Variants in PPP1R12B observed in about 807,000 individuals in gnomAD.
PPP1R12B encodes the protein protein phosphatase 1 regulatory subunit 12B.
Under a neutral mutation model 126.1 loss-of-function variants are expected in PPP1R12B, and 76 were observed. The ratio of observed to expected loss-of-function variants is 0.60; its 90% confidence interval spans 0.50 to 0.73. PPP1R12B has a LOEUF of 0.73. Among genes scored for constraint, PPP1R12B ranks in the 30% least tolerant of loss-of-function variants. PPP1R12B has a pLI of 0.00. For synonymous variants in PPP1R12B, 356 were observed against 434.7 expected, an observed-to-expected ratio of 0.82 and a Z score of 2.25; for missense variants, 1,052 against 1,205.1, an observed-to-expected ratio of 0.87 and a Z score of 1.88.
At chr1:202,438,973 G>A in intron 10 of PPP1R12B, 2 of 1,523,924 alleles carry the variant, frequency 1.3e-6, no homozygotes, top group Non-Finnish European at 9.1e-7. Context: ...TGCTCACAGG[G>A]CAGGAGCGCA....
Position 202,562,873 on chromosome 1 carries a change from C to A in PPP1R12B, c.2603C>A (p.Ala868Asp). The change falls in exon 20 of 24, where the codon GCC becomes GAC. Residue 868 changes from alanine to aspartate, a missense_variant. Coordinates refer to ENST00000608999, the MANE Select transcript of PPP1R12B (RefSeq NM_002481.4). ...ARREAREARL[A>D]TLTSRVEEDS... ...CGGGAGGCCCGGGAGGCCCGCCTAG[C>A]CACCCTGACCAGCCGTGTAGAAGAA... 6.2e-7 allele frequency: 1 copy of A among 1,610,268 alleles called. No individual in the cohort carries two copies. The highest frequency in any genetic ancestry group is 8.5e-7 in the Non-Finnish European group (1 of 1,178,914).
chr1:202,439,223 G>A (rs1020983223), intron 10 of PPP1R12B: 7 of 1,417,254 alleles, frequency 4.9e-6, no homozygotes, highest in Non-Finnish European at 5.0e-6. Flanking sequence ...CTGCAGCCTC[G>A]TTGGAGCACC....
chr1:202,373,026 C>T lies in PPP1R12B; in HGVS notation c.291+23884C>T, dbSNP rs548684864. On this transcript the variant is annotated intron_variant, in intron 1 of 23. Coordinates refer to ENST00000608999, the MANE Select transcript of PPP1R12B (RefSeq NM_002481.4). ...CTTGGCTCGCAGCAACCTTCGCCTC[C>T]CTGGTTCAAGTGATTCTCATGCCTC... Among the ~76,000 whole-genome samples, 31 of 151,950 alleles carry T rather than the reference C, an allele frequency of 2.0e-4. 1 individual carries two copies. Among genetic ancestry groups the T allele is most frequent in the African/African-American group, 7.3e-5 (3 of 41,332 alleles).
rs574149027 is a variant in PPP1R12B at position 202,483,218 on chromosome 1, A to AT, written c.1851-5305dup. On this transcript the variant is annotated intron_variant, in intron 13 of 23. Transcript: ENST00000608999. Reference sequence around the variant, plus strand: ...CCACTCAGAATTGCTTTGGCTATTCATTTTTTTTTTCTGGTTTCCTATGAA... The same window carrying AT: ...CCACTCAGAATTGCTTTGGCTATTCATTTTTTTTTTTCTGGTTTCCTATGAA... 7.6e-3 allele frequency among the ~76,000 whole-genome samples: 847 copies of AT among 111,592 alleles called. 2 individuals are homozygous for AT. The highest frequency in any genetic ancestry group is 0.013 in the Non-Finnish European group (683 of 50,942). 73.2% of individuals were successfully genotyped at this position (111,592 alleles called of 152,430 possible). A position where few individuals can be genotyped will look rare whatever the true frequency, so the allele number is the denominator to read the frequency against.
intron 4 of PPP1R12B, among the ~76,000 whole-genome samples, chr1:202,426,694 A>C (rs1486287928): frequency 6.6e-6 from 1 of 152,236 alleles, no homozygotes; most frequent in Non-Finnish European, 1.5e-5. Flanking sequence ...CCTGCACTGG[A>C]AAATGGAAAA....
At chr1:202,429,661 G>T (rs898201104) in intron 6 of PPP1R12B, among the ~76,000 whole-genome samples, 1 of 152,144 alleles carries the variant, frequency 6.6e-6, no homozygotes, top group African/African-American at 2.4e-5. Context: ...TTTGAGTGGG[G>T]AGAATAAAGA....
intron 1 of PPP1R12B, among the ~76,000 whole-genome samples, chr1:202,353,777 A>G (rs1056564455): frequency 2.6e-5 from 4 of 151,872 alleles, no homozygotes; most frequent in African/African-American, 9.7e-5. Context: ...TACCCAGCTA[A>G]TTTTTAAAAT....
intron 1 of PPP1R12B, among the ~76,000 whole-genome samples, chr1:202,399,396 T>C (rs1457576912): frequency 6.6e-6 from 1 of 152,070 alleles, no homozygotes; most frequent in African/African-American, 2.4e-5. Context: ...AATTTTTTAA[T>C]TTTTTGTAGA....
chr1:202,564,589 G>C, intron 21 of PPP1R12B, 42 bp downstream of exon 21: 1 of 1,521,600 alleles, frequency 6.6e-7, no homozygotes, highest in Middle Eastern at 1.7e-4. Context: ...ACCAAGGGTT[G>C]ATGTAAGGAA....
At chr1:202,460,595 G>A (rs1674189277) in intron 13 of PPP1R12B, among the ~76,000 whole-genome samples, 1 of 152,194 alleles carries the variant, frequency 6.6e-6, no homozygotes, top group African/African-American at 2.4e-5. Context: ...AAAGTGATTA[G>A]TTATCTAAAA....
chr1:202,439,712 C>T, intron 10 of PPP1R12B: 4 of 591,916 alleles, frequency 6.8e-6, no homozygotes, highest in Non-Finnish European at 1.2e-5. Context: ...GTTGTGCAGC[C>T]CAGCCAGCAG....
At chr1:202,398,738 T>A (rs1327380562) in intron 1 of PPP1R12B, among the ~76,000 whole-genome samples, 1 of 152,134 alleles carries the variant, frequency 6.6e-6, no homozygotes, top group Non-Finnish European at 1.5e-5. Context: ...GTGGCAAGGG[T>A]AATGTCTTAT....
intron 17 of PPP1R12B, among the ~76,000 whole-genome samples, chr1:202,496,492 A>G (rs1679566720): frequency 6.6e-6 from 1 of 152,246 alleles, no homozygotes; most frequent in African/African-American, 2.4e-5. Context: ...AAATTGACTG[A>G]TAAGTATTGA....
At position 202,585,686 on chromosome 1, in the gene PPP1R12B, T is replaced by C. The variant is rs1689771905; in HGVS notation, c.*5126T>C. ...ACTGTTTAATATGAGCACATCAAGGTTGACTTCTCATCCTTTTTGGGAAGT... is the reference window on the plus strand; with the variant it reads ...ACTGTTTAATATGAGCACATCAAGGCTGACTTCTCATCCTTTTTGGGAAGT... On this transcript the variant is annotated 3_prime_UTR_variant, in exon 24 of 24. Transcript: ENST00000608999. The C allele has an allele frequency of 6.6e-6, 1 of 152,228 alleles. No individual in the cohort carries two copies. Among genetic ancestry groups the C allele is most frequent in the South Asian group, 2.1e-4 (1 of 4,832 alleles). The allele number at this position is 152,228 out of a possible 1,614,324, so 9.4% of individuals were successfully genotyped here.
intron 1 of PPP1R12B, among the ~76,000 whole-genome samples, chr1:202,381,268 ATCTT>A (rs1662211702): frequency 6.6e-6 from 1 of 152,150 alleles, no homozygotes; most frequent in Non-Finnish European, 1.5e-5. Context: ...GTGATTATCT[ATCTT>A]ACCCTTAGAG....
At chr1:202,561,581 TTC>T (rs1687540022) in intron 19 of PPP1R12B, among the ~76,000 whole-genome samples, 1 of 152,212 alleles carries the variant, frequency 6.6e-6, no homozygotes, top group South Asian at 2.1e-4. Flanking sequence ...AAGTAGTTAT[TTC>T]TTAGGCAGGA....
At chr1:202,382,354 A>G (rs1662438456) in intron 1 of PPP1R12B, among the ~76,000 whole-genome samples, 1 of 151,950 alleles carries the variant, frequency 6.6e-6, no homozygotes, top group Non-Finnish European at 1.5e-5. Context: ...GTACGCCAAC[A>G]TGGCACATGT....
chr1:202,497,826 T>C (rs936187596), intron 18 of PPP1R12B, among the ~76,000 whole-genome samples: 5 of 152,208 alleles, frequency 3.3e-5, no homozygotes, highest in Non-Finnish European at 5.9e-5. Flanking sequence ...GTATGAATTA[T>C]AGCAACTCTT....
At chr1:202,560,373 T>A (rs1194658465) in intron 19 of PPP1R12B, among the ~76,000 whole-genome samples, 1 of 152,170 alleles carries the variant, frequency 6.6e-6, no homozygotes, top group Non-Finnish European at 1.5e-5. Flanking sequence ...AATAAAAGAA[T>A]AGCTACTCCA....
Sources: gnomAD v4.1 joint callset for allele counts (sites outside exome capture counted in the v4.1 genomes callset) on GRCh38, gnomAD v4.1.1 for gene constraint, MANE v1.5 for transcripts, NCBI Gene and HGNC (gene_info 2026-07-23, HGNC 2026-07-21) for gene names.